Variants in SNX9 observed in about 807,000 individuals in gnomAD.
SNX9 encodes the protein sorting nexin 9, also known as sorting nexin-9.
A neutral mutation model predicts 89.4 loss-of-function variants in SNX9; 44 were observed. The observed-to-expected ratio is 0.49, with a 90% CI of 0.39 to 0.63. The LOEUF is 0.63. Ranked by LOEUF, SNX9 falls within the 30% of genes least tolerant of loss-of-function variation. The pLI is 0.00. For synonymous variants in SNX9, 236 were observed against 247.8 expected (o/e 0.95, Z 0.45); for missense variants, 578 against 736.1 (o/e 0.79, Z 2.49).
chr6:157,928,737 G>A (rs369231830), intron 12 of SNX9, 35 bp downstream of exon 12: 9 of 1,489,800 alleles, frequency 6.0e-6, no homozygotes, highest in East Asian at 2.5e-5. Context: ...TGGGCTCGTA[G>A]GGGGTGATGC....
chr6:157,940,857 G>C, intron 16 of SNX9, 26 bp from the exon 17 acceptor site: 1 of 1,605,240 alleles, frequency 6.2e-7, no homozygotes, highest in Non-Finnish European at 8.5e-7. Context: ...AGGGAAAACT[G>C]ATTGATGTTC....
At chr6:157,890,284 C>CA (rs1434614934) in intron 4 of SNX9, among the ~76,000 whole-genome samples, 1 of 152,204 alleles carries the variant, frequency 6.6e-6, no homozygotes, top group Non-Finnish European at 1.5e-5. Flanking sequence ...TGGCCATTCT[C>CA]AGTCTGTTCT....
At position 157,938,689 on chromosome 6, in the gene SNX9, C is replaced by A. The variant is rs1185889282; in HGVS notation, c.1590C>A (p.Thr530=). The A allele has an allele frequency of 1.2e-6, 2 of 1,613,788 alleles. No homozygotes were observed. The highest frequency in any genetic ancestry group is 2.2e-5 in the South Asian group (2 of 91,034). The change falls in exon 16 of 18, where the codon ACC becomes ACA. Residue 530 remains threonine (T), a synonymous_variant. Coordinates refer to ENST00000392185, the MANE Select transcript of SNX9 (RefSeq NM_016224.5). ...SDKLVATSKI[T]LQDKQNMVKR... ...AACTAGTTGCAACAAGTAAAATCAC[C>A]CTACAAGACAAACAGAACATGGTGA...
At chr6:157,870,687 C>T (rs891657408) in intron 2 of SNX9, among the ~76,000 whole-genome samples, 1 of 147,030 alleles carries the variant, frequency 6.8e-6, no homozygotes, top group African/African-American at 2.5e-5. Context: ...GCACATACAC[C>T]CTGCAGATAG....
chr6:157,835,630 A>C (rs1201534326), intron 1 of SNX9, among the ~76,000 whole-genome samples: 2 of 152,112 alleles, frequency 1.3e-5, no homozygotes, highest in Non-Finnish European at 2.9e-5. Context: ...AGGAGGGACC[A>C]GGTGGAGGTA....
rs371628728 is a variant in SNX9 at position 157,927,252 on chromosome 6, G to A, written c.1184+38G>A. 1.4e-5 allele frequency: 20 copies of A among 1,428,442 alleles called. 1 individual carries two copies. The African/African-American group carries it at 2.1e-4, about 15-fold the overall frequency. The allele number at this position is 1,428,442 out of a possible 1,614,324, so 88.5% of individuals were successfully genotyped here. A position where few individuals can be genotyped will look rare whatever the true frequency, so the allele number is the denominator to read the frequency against. Reference sequence around the variant, plus strand: ...GCCAGGTTTTCTTTCTTCTCAATCCGCACCCTCCTCCTTTGGCCATCAGGC... The same window carrying A: ...GCCAGGTTTTCTTTCTTCTCAATCCACACCCTCCTCCTTTGGCCATCAGGC... On this transcript the variant is annotated intron_variant, in intron 11 of 17. Transcript: ENST00000392185.
chr6:157,895,043 T>C (rs1378212928), intron 4 of SNX9, among the ~76,000 whole-genome samples: 1 of 152,184 alleles, frequency 6.6e-6, no homozygotes, highest in Non-Finnish European at 1.5e-5. Flanking sequence ...TTTAGGAGTT[T>C]GGGGGCAAAG....
intron 1 of SNX9, among the ~76,000 whole-genome samples, chr6:157,828,652 C>T (rs1199680220): frequency 6.6e-6 from 1 of 152,130 alleles, no homozygotes; most frequent in Non-Finnish European, 1.5e-5. Flanking sequence ...CACCACCATG[C>T]CCAGCTACTT....
intron 10 of SNX9, among the ~76,000 whole-genome samples, chr6:157,922,473 A>G (rs1344873949): frequency 1.3e-5 from 2 of 152,252 alleles, no homozygotes; most frequent in Non-Finnish European, 2.9e-5. Flanking sequence ...TAATGAAATA[A>G]TAGAATATCA....
chr6:157,831,419 AC>A (rs1268650731), intron 1 of SNX9, among the ~76,000 whole-genome samples: 1 of 152,228 alleles, frequency 6.6e-6, no homozygotes, highest in Admixed American at 6.5e-5. Flanking sequence ...ATAAATATGG[AC>A]CTGGCATCTC....
At chr6:157,858,487 G>A (rs1329177835) in intron 1 of SNX9, among the ~76,000 whole-genome samples, 1 of 152,110 alleles carries the variant, frequency 6.6e-6, no homozygotes, top group Non-Finnish European at 1.5e-5. Context: ...TTCCCAAAGT[G>A]CTGGGATTAC....
chr6:157,922,404 C>A (rs2115192763), intron 10 of SNX9, among the ~76,000 whole-genome samples: 1 of 152,352 alleles, frequency 6.6e-6, no homozygotes, highest in South Asian at 2.1e-4. Flanking sequence ...CCAGAAGCCA[C>A]AGCAGATGCT....
intron 17 of SNX9, among the ~76,000 whole-genome samples, chr6:157,942,203 T>C (rs180889725): frequency 4.6e-5 from 7 of 152,360 alleles, no homozygotes; most frequent in Non-Finnish European, 1.0e-4. Context: ...AATTTGTGTA[T>C]GTGTTCATGG....
chr6:157,925,129 A>G (rs1165895444), intron 10 of SNX9, among the ~76,000 whole-genome samples: 1 of 152,240 alleles, frequency 6.6e-6, no homozygotes, highest in African/African-American at 2.4e-5. Context: ...AACATATATA[A>G]GCAATGAAGG....
intron 5 of SNX9, 102 bp downstream of exon 5, chr6:157,897,100 C>A: frequency 1.7e-6 from 2 of 1,189,820 alleles, no homozygotes; most frequent in Non-Finnish European, 2.3e-6. Flanking sequence ...CAGCACAACA[C>A]AGAACAGTTT....
chr6:157,823,975 C>T lies in SNX9; in HGVS notation c.12+529C>T, dbSNP rs1781292500. Among the ~76,000 whole-genome samples the T allele has an allele frequency of 6.6e-6, 1 of 152,210 alleles. No individual in the cohort carries two copies. The highest frequency in any genetic ancestry group is 1.5e-5 in the Non-Finnish European group (1 of 68,026). ...GCTCGCGGCCGGGGAGGGACCGAGG[C>T]TGGGACGCCCCGCGCCCCTTTGCCT... On this transcript the variant is annotated intron_variant, in intron 1 of 17. Coordinates refer to ENST00000392185, the MANE Select transcript of SNX9 (RefSeq NM_016224.5). This position sits in a 1 kb window ranked among gnomAD's most constrained non-coding sequence, Gnocchi z 4.6.
chr6:157,832,004 G>A (rs561367729), intron 1 of SNX9, among the ~76,000 whole-genome samples: 1 of 152,294 alleles, frequency 6.6e-6, no homozygotes, highest in East Asian at 1.9e-4. Context: ...CAAACTGTGG[G>A]CATTTCAAAA....
chr6:157,864,500 A>G (rs1054014023), intron 1 of SNX9, among the ~76,000 whole-genome samples: 1 of 152,212 alleles, frequency 6.6e-6, no homozygotes, highest in African/African-American at 2.4e-5. Flanking sequence ...TTAGTAAACA[A>G]GAGGCTTAGG....
chr6:157,919,075 C>G (rs903216506), intron 9 of SNX9, among the ~76,000 whole-genome samples: 5 of 152,146 alleles, frequency 3.3e-5, no homozygotes, highest in Non-Finnish European at 1.5e-5. Flanking sequence ...TCTGCAGATT[C>G]AAGTCACCAT....
Sources: gnomAD v4.1 joint callset for allele counts (sites outside exome capture counted in the v4.1 genomes callset) on GRCh38, gnomAD v4.1.1 for gene constraint, Gnocchi (gnomAD v3.1) non-coding constraint, MANE v1.5 for transcripts, NCBI Gene and HGNC (gene_info 2026-07-23, HGNC 2026-07-21) for gene names.